Variants in TMPRSS9 observed in about 807,000 individuals in gnomAD.
TMPRSS9 encodes the protein transmembrane serine protease 9, also known as transmembrane protease serine 9.
In TMPRSS9, 113 loss-of-function variants were observed where a neutral mutation model predicts 111.4. That is an observed-to-expected ratio of 1.01 (90% confidence interval 0.87 to 1.19). TMPRSS9 has a LOEUF of 1.19. Among genes scored for constraint, TMPRSS9 ranks in the 50% most tolerant of loss-of-function variants. The pLI is 0.00. For synonymous variants in TMPRSS9, 805 were observed against 659.1 expected (o/e 1.22, Z -3.39); for missense variants, 1,803 against 1,513.1 (o/e 1.19, Z -3.18).
intron 13 of TMPRSS9, among the ~76,000 whole-genome samples, 168 bp downstream of exon 14, chr19:2,418,306 T>TCCTTCCCTCCTTGTCCTTCCTTTTCC (rs1491213680): frequency 2.2e-4 from 12 of 53,386 alleles, no homozygotes; most frequent in African/African-American, 1.7e-3. Flanking sequence ...CTTCCCTCCC[T>TCCTTCCCTCCTTGTCCTTCCTTTTCC]TTCCCTCCCT....
intron 1 of TMPRSS9, among the ~76,000 whole-genome samples, chr19:2,371,201 C>T (rs1970287322): frequency 6.6e-6 from 1 of 152,188 alleles, no homozygotes; most frequent in Admixed American, 6.5e-5. Context: ...CAGCTGGCCT[C>T]ATCTGGAGGC....
At chr19:2,417,189 C>T (rs571192860) in intron 12 of TMPRSS9, among the ~76,000 whole-genome samples, 4 of 152,222 alleles carry the variant, frequency 2.6e-5, no homozygotes, top group African/African-American at 9.6e-5. Flanking sequence ...CCGGCGGCCA[C>T]ATGTGGTGGC....
chr19:2,383,620 G>A (rs1206192631), intron 1 of TMPRSS9, among the ~76,000 whole-genome samples: 1 of 150,704 alleles, frequency 6.6e-6, no homozygotes, highest in Non-Finnish European at 1.5e-5. Flanking sequence ...ACAGGTGTGA[G>A]CCACTGCACC....
intron 1 of TMPRSS9, among the ~76,000 whole-genome samples, chr19:2,374,112 T>C (rs1179966201): frequency 2.0e-5 from 3 of 152,094 alleles, no homozygotes; most frequent in Non-Finnish European, 4.4e-5. Context: ...TACAGAGCTC[T>C]GACCCCTCCG....
chr19:2,398,836 C>T (rs1046812889), exon 3 of TMPRSS9: 11 of 1,504,232 alleles, frequency 7.3e-6, no homozygotes, highest in East Asian at 2.6e-5. Context: ...AGGCAAGCTG[C>T]GTGGGTTGCT....
At chr19:2,415,803 G>A (rs61732208) in exon 11 of TMPRSS9, 102,409 of 1,603,424 alleles carry the variant, frequency 0.064, 5,868 homozygotes, top group East Asian at 0.3. Context: ...CTGTGGTGGG[G>A]GACCGCTGGC....
rs553478605 is a variant in TMPRSS9, at chr19:2,411,484, G to A, written c.1254+1090G>A. Among the ~76,000 whole-genome samples the A allele has an allele frequency of 8.9e-4, 122 of 137,502 alleles. 1 individual carries two copies. Among genetic ancestry groups the A allele is most frequent in the Non-Finnish European group, 1.6e-3 (105 of 65,266 alleles). The allele number at this position is 137,502 out of a possible 152,430, so 90.2% of individuals were successfully genotyped here. A position where few individuals can be genotyped will look rare whatever the true frequency, so the allele number is the denominator to read the frequency against. On this transcript the variant is annotated intron_variant, in intron 9 of 17. Transcript: ENST00000648592. The stretch of plus-strand genomic sequence containing the variant: ...GTGATCTCAGCTCACTGCAACCTCC[G>A]CCTCCCAGGTTCAAGCGAGTCTCCT...
chr19:2,415,360 AAGG>A, intron 10 of TMPRSS9, among the ~76,000 whole-genome samples: 1 of 152,100 alleles, frequency 6.6e-6, no homozygotes, highest in South Asian at 2.1e-4. Context: ...CCGTCTTTGC[AAGG>A]AGGCCATAAA....
At chr19:2,422,338 G>C in intron 14 of TMPRSS9, 91 bp downstream of exon 15, 2 of 1,412,416 alleles carry the variant, frequency 1.4e-6, no homozygotes, top group Admixed American at 5.3e-5. Flanking sequence ...CGTCCACTTT[G>C]GGAGGCCGAG....
upstream of TMPRSS9, among the ~76,000 whole-genome samples, chr19:2,389,497 G>A (rs551223707): frequency 4.6e-5 from 7 of 151,756 alleles, no homozygotes; most frequent in East Asian, 1.4e-3. Flanking sequence ...AGCCTCCTGG[G>A]TAGCTGGATT....
intron 13 of TMPRSS9, 72 bp downstream of exon 14, chr19:2,418,210 T>C (rs1325935425): frequency 1.3e-6 from 2 of 1,558,312 alleles, no homozygotes; most frequent in African/African-American, 1.4e-5. Context: ...AGCAGTTCTT[T>C]GTGTGCAGAC....
At chr19:2,426,257 C>T, downstream of TMPRSS9, 1 of 354,402 alleles carries the variant, frequency 2.8e-6, no homozygotes, top group Non-Finnish European at 4.1e-6. Flanking sequence ...AGCCCCTCCA[C>T]CCTAGCTCAC....
chr19:2,362,483 G>C (rs1220561223), intron 1 of TMPRSS9, among the ~76,000 whole-genome samples: 53 of 152,184 alleles, frequency 3.5e-4, no homozygotes, highest in Admixed American at 3.5e-3. Context: ...TTCTGCAGCT[G>C]TGTGGTTATA....
intron 13 of TMPRSS9, among the ~76,000 whole-genome samples, chr19:2,419,416 A>C (rs371834830): frequency 1.3e-5 from 2 of 149,100 alleles, no homozygotes; most frequent in Non-Finnish European, 3.0e-5. Context: ...GTTGGCCAGG[A>C]TGGTCTCGAT....
intron 14 of TMPRSS9, among the ~76,000 whole-genome samples, chr19:2,423,467 T>TG (rs1205762195): frequency 8.7e-5 from 2 of 22,862 alleles, no homozygotes; most frequent in Non-Finnish European, 1.7e-4. Context: ...TGGTGGGGGG[T>TG]GGGGGGCGGG....
chr19:2,399,896 A>T (rs564971050), intron 4 of TMPRSS9, among the ~76,000 whole-genome samples: 6 of 152,000 alleles, frequency 3.9e-5, no homozygotes, highest in African/African-American at 1.2e-4. Context: ...ACGCCTGGCT[A>T]ATTTTTGTAT....
At chr19:2,391,237 C>CAAAAAAAAAAAAAAAAAAAA (rs10650164) in intron 1 of TMPRSS9, among the ~76,000 whole-genome samples, 3 of 53,018 alleles carry the variant, frequency 5.7e-5, no homozygotes, top group African/African-American at 3.3e-4. Flanking sequence ...AATTCCATCT[C>CAAAAAAAAAAAAAAAAAAAA]AAAAAAAAAA....
At chr19:2,412,869 C>G (rs1971125565) in intron 9 of TMPRSS9, among the ~76,000 whole-genome samples, 1 of 152,044 alleles carries the variant, frequency 6.6e-6, no homozygotes, top group African/African-American at 2.4e-5. Context: ...GGAGAAAATG[C>G]TAGGAACTAA....
chr19:2,397,172 C>T (rs559061353), intron 2 of TMPRSS9, among the ~76,000 whole-genome samples: 27 of 152,232 alleles, frequency 1.8e-4, no homozygotes, highest in Non-Finnish European at 2.9e-4. Flanking sequence ...CTTCCCTCCA[C>T]GGCCTCCCAA....
Sources: gnomAD v4.1 joint callset for allele counts (sites outside exome capture counted in the v4.1 genomes callset) on GRCh38, gnomAD v4.1.1 for gene constraint, MANE v1.5 for transcripts, NCBI Gene and HGNC (gene_info 2026-07-23, HGNC 2026-07-21) for gene names.